The following TAPT1 variants were observed in gnomAD, a reference collection of about 807,000 sequenced individuals.
TAPT1 encodes the protein transmembrane anterior posterior transformation 1.
Under a neutral mutation model 65.6 loss-of-function variants are expected in TAPT1, and 28 were observed. That is an observed-to-expected ratio of 0.43 (90% CI 0.32 to 0.59). The LOEUF (loss-of-function observed/expected upper bound fraction) is 0.59. TAPT1 is among the 20% of genes least tolerant of loss of function. The pLI, the probability that TAPT1 is intolerant of heterozygous loss-of-function variation, is 0.09. For synonymous variants in TAPT1, 278 were observed against 245.2 expected (o/e 1.13, Z -1.25); for missense variants, 563 against 679.9 (o/e 0.83, Z 1.91).
intron 3 of TAPT1, among the ~76,000 whole-genome samples, chr4:16,199,273 T>G (rs2149700625): frequency 6.6e-6 from 1 of 152,304 alleles, no homozygotes; most frequent in South Asian, 2.1e-4. Flanking sequence ...GCAGAAATAG[T>G]AAGAAGTGTT....
chr4:16,219,788 T>C (rs1021820993), intron 1 of TAPT1, among the ~76,000 whole-genome samples: 3 of 152,194 alleles, frequency 2.0e-5, no homozygotes, highest in African/African-American at 7.2e-5. Flanking sequence ...TTTCATATTA[T>C]GAAAAAACTG....
chr4:16,194,798 A>G (rs1749588739), intron 3 of TAPT1, among the ~76,000 whole-genome samples: 1 of 152,116 alleles, frequency 6.6e-6, no homozygotes, highest in African/African-American at 2.4e-5. Flanking sequence ...TTCAGGAGGA[A>G]TATTATTCAT....
intron 13 of TAPT1, among the ~76,000 whole-genome samples, chr4:16,164,586 TACTA>T (rs1384560579): frequency 5.9e-5 from 9 of 152,292 alleles, no homozygotes; most frequent in Non-Finnish European, 8.8e-5. Context: ...GAGTGACGCT[TACTA>T]ACTTTTTGTT....
chr4:16,212,476 A>G (rs1750699021), intron 2 of TAPT1, among the ~76,000 whole-genome samples: 1 of 152,208 alleles, frequency 6.6e-6, no homozygotes, highest in Non-Finnish European at 1.5e-5. Context: ...TTTCCAAGTA[A>G]AAGAAACATC....
chr4:16,177,857 G>A (rs914540375), intron 8 of TAPT1, among the ~76,000 whole-genome samples: 1 of 151,708 alleles, frequency 6.6e-6, no homozygotes, highest in Non-Finnish European at 1.5e-5. Flanking sequence ...CCTAAAAAAA[G>A]AGTGAAAACC....
intron 4 of TAPT1, 131 bp downstream of exon 4, chr4:16,191,230 C>T: frequency 1.1e-6 from 1 of 905,276 alleles, no homozygotes; most frequent in Non-Finnish European, 1.6e-6. Context: ...CAAGTGATGA[C>T]AGCACAGTAA....
chr4:16,209,745 G>A (rs1042521033), intron 2 of TAPT1, among the ~76,000 whole-genome samples: 1 of 152,216 alleles, frequency 6.6e-6, no homozygotes, highest in African/African-American at 2.4e-5. Context: ...AGGAATTGGA[G>A]CTTTAATAGT....
intron 12 of TAPT1, among the ~76,000 whole-genome samples, chr4:16,167,480 G>A (rs796381288): frequency 7.2e-5 from 11 of 152,118 alleles, no homozygotes; most frequent in African/African-American, 2.2e-4. Context: ...TTATCTTTCC[G>A]TCGCTTTCTC....
At chr4:16,200,779 A>G (rs1180965587) in intron 3 of TAPT1, among the ~76,000 whole-genome samples, 3 of 152,242 alleles carry the variant, frequency 2.0e-5, no homozygotes, top group Admixed American at 2.0e-4. Context: ...ATGCCATGAT[A>G]TCATGAAGCT....
At chr4:16,205,638 G>A (rs1750299589) in intron 2 of TAPT1, among the ~76,000 whole-genome samples, 1 of 152,088 alleles carries the variant, frequency 6.6e-6, no homozygotes, top group Non-Finnish European at 1.5e-5. Context: ...CCACAGGGAA[G>A]GAGGTGCAAG....
Position 16,213,873 on chromosome 4 carries a change from A to G in TAPT1, c.225T>C (p.Ser75=). The change falls in exon 2 of 14, where the codon AGT becomes AGC. Residue 75 remains serine (S), a synonymous_variant. Transcript: ENST00000405303. Reference sequence around the variant, plus strand: ...GGAAGTACCCTCTTGTTAGTTCAGCACTGAGGAACCTCAACAATGAAAGCT... The same window carrying G: ...GGAAGTACCCTCTTGTTAGTTCAGCGCTGAGGAACCTCAACAATGAAAGCT... ...RTELSLLRFL[S]AELTRGYFLE... is the part of the protein sequence containing the mutation. 1 of 1,601,042 alleles carries G rather than the reference A, an allele frequency of 6.2e-7. No individual in the cohort carries two copies. Among genetic ancestry groups the G allele is most frequent in the Non-Finnish European group, 8.5e-7 (1 of 1,176,578 alleles).
chr4:16,173,803 C>G (rs1020886886), intron 11 of TAPT1, among the ~76,000 whole-genome samples: 21 of 152,084 alleles, frequency 1.4e-4, no homozygotes, highest in Admixed American at 6.5e-5. Flanking sequence ...AATGAAATGA[C>G]TGAATTAAAG....
At chr4:16,205,305 T>G (rs1166790474) in intron 2 of TAPT1, among the ~76,000 whole-genome samples, 2 of 152,174 alleles carry the variant, frequency 1.3e-5, no homozygotes, top group African/African-American at 2.4e-5. Context: ...GAATACCATC[T>G]CCTCCACCAC....
upstream of TAPT1, chr4:16,226,580 C>T (rs1751586221): frequency 4.5e-6 from 3 of 670,384 alleles, no homozygotes; most frequent in Admixed American, 6.2e-5. Context: ...CCGCCATCCG[C>T]GGCCCGCCGA....
Position 16,191,834 on chromosome 4 carries a change from A to C in TAPT1, c.450-311T>G, listed in dbSNP as rs1749392040. 1.3e-5 allele frequency among the ~76,000 whole-genome samples: 2 copies of C among 152,346 alleles called. 1 individual carries two copies. Among genetic ancestry groups the C allele is most frequent in the South Asian group, 4.1e-4 (2 of 4,830 alleles). On this transcript the variant is annotated intron_variant, in intron 3 of 13. Coordinates refer to ENST00000405303, the MANE Select transcript of TAPT1 (RefSeq NM_153365.3). ...AGCAACAGATTTCCACCATTATGGC[A>C]TAAGCTTTTAACCTAATCATGAATC...
chr4:16,209,557 C>T (rs531719855), intron 2 of TAPT1, among the ~76,000 whole-genome samples: 1 of 152,274 alleles, frequency 6.6e-6, no homozygotes, highest in East Asian at 1.9e-4. Context: ...TTTAGATTCA[C>T]AAAGATGACA....
At chr4:16,174,962 G>T (rs532113246) in intron 9 of TAPT1, 1 of 339,866 alleles carries the variant, frequency 2.9e-6, no homozygotes, top group East Asian at 4.9e-5. Flanking sequence ...TTCTTTAAAG[G>T]GGAATAAATA....
upstream of TAPT1, chr4:16,227,055 G>T: frequency 2.2e-6 from 1 of 454,546 alleles, no homozygotes; most frequent in Non-Finnish European, 4.4e-6. Context: ...CTGCCTGCCC[G>T]CTATTTTGGT....
chr4:16,184,420 C>G (rs956008959), intron 7 of TAPT1, among the ~76,000 whole-genome samples: 2 of 152,116 alleles, frequency 1.3e-5, no homozygotes, highest in Non-Finnish European at 2.9e-5. Context: ...CTACTGATAG[C>G]TATTTGGGTT....
Sources: gnomAD v4.1 joint callset for allele counts (sites outside exome capture counted in the v4.1 genomes callset) on GRCh38, gnomAD v4.1.1 for gene constraint, MANE v1.5 for transcripts, NCBI Gene and HGNC (gene_info 2026-07-23, HGNC 2026-07-21) for gene names.